STAG1: variants seen among roughly 807,000 people sequenced by gnomAD.
The protein encoded by STAG1 is cohesin subunit SA-1.
Under a neutral mutation model 170.9 loss-of-function variants are expected in STAG1, and 26 were observed. The ratio of observed to expected loss-of-function variants is 0.15; its 90% CI spans 0.11 to 0.21. STAG1 has a LOEUF of 0.21. STAG1 is among the 10% of genes least tolerant of loss of function. The probability of loss-of-function intolerance (pLI) is 1.00; values close to 1 mark genes in which losing one functional copy is unlikely to be tolerated. For synonymous variants in STAG1, 514 were observed against 497.7 expected, an observed-to-expected ratio of 1.03 and a Z score of -0.44; for missense variants, 964 against 1,509.5, an observed-to-expected ratio of 0.64 and a Z score of 5.99.
chr3:136,553,806 A>G (rs1349503146), intron 5 of STAG1, among the ~76,000 whole-genome samples: 1 of 152,224 alleles, frequency 6.6e-6, no homozygotes, highest in Non-Finnish European at 1.5e-5. Flanking sequence ...GAGAAAAGAA[A>G]GACAAATTCT....
At chr3:136,527,968 G>A (rs545396651) in intron 6 of STAG1, among the ~76,000 whole-genome samples, 25 of 152,174 alleles carry the variant, frequency 1.6e-4, no homozygotes, top group South Asian at 1.5e-3. Context: ...AGGGTTATCC[G>A]GCCGTATGAT....
intron 5 of STAG1, among the ~76,000 whole-genome samples, chr3:136,561,831 T>A (rs1007450987): frequency 6.8e-5 from 10 of 147,466 alleles, no homozygotes; most frequent in Non-Finnish European, 9.0e-5. Flanking sequence ...TTTTTTTTTT[T>A]CATTTTTGTA....
At chr3:136,432,920 C>T (rs970165717) in intron 16 of STAG1, among the ~76,000 whole-genome samples, 2 of 152,008 alleles carry the variant, frequency 1.3e-5, no homozygotes, top group Admixed American at 6.6e-5. Flanking sequence ...CACAGACTTC[C>T]GCTGCTTTTA....
intron 28 of STAG1, among the ~76,000 whole-genome samples, chr3:136,351,905 A>G (rs1936445467): frequency 6.6e-6 from 1 of 152,202 alleles, no homozygotes; most frequent in Admixed American, 6.5e-5. Flanking sequence ...TTTGATCAGT[A>G]AGTGGCTTAT....
intron 1 of STAG1, among the ~76,000 whole-genome samples, chr3:136,704,057 T>C (rs535220665): frequency 6.7e-6 from 1 of 150,038 alleles, no homozygotes; most frequent in African/African-American, 2.4e-5. Flanking sequence ...AATGATTTTT[T>C]TTTTTTTTTT....
At chr3:136,667,305 T>G (rs1941817880) in intron 1 of STAG1, among the ~76,000 whole-genome samples, 1 of 152,122 alleles carries the variant, frequency 6.6e-6, no homozygotes, top group Admixed American at 6.5e-5. Flanking sequence ...TCCAGCATTC[T>G]GGGTGGCAGA....
chr3:136,436,004 C>T (rs912254390), intron 15 of STAG1, among the ~76,000 whole-genome samples: 1 of 152,066 alleles, frequency 6.6e-6, no homozygotes, highest in African/African-American at 2.4e-5. Flanking sequence ...ATCGCCCAGG[C>T]CAGAAGGCAA....
At position 136,398,821 on chromosome 3, in the gene STAG1, C is replaced by A. The variant is rs2087240013; in HGVS notation, c.2205G>T (p.Val735=). Residue 735 remains valine, a synonymous_variant, in exon 22 of 34, where the codon GTG becomes GTT. Transcript: ENST00000383202. ...EHGAMPEQIV[V]QALQCSHYSI... ...AATAATGGGAACACTGCAGTGCTTG[C>A]ACGACTATCTGTATCAAATGAAAAA... The A allele has an allele frequency of 1.3e-6, 2 of 1,571,864 alleles. No homozygotes were observed. Among genetic ancestry groups the A allele is most frequent in the African/African-American group, 2.7e-5 (2 of 73,170 alleles).
chr3:136,561,440 C>G (rs544983506), intron 5 of STAG1, among the ~76,000 whole-genome samples: 1 of 152,336 alleles, frequency 6.6e-6, no homozygotes, highest in African/African-American at 2.4e-5. Flanking sequence ...CTGGTTTACA[C>G]CATCACAGTG....
chr3:136,427,073 A>AT lies in STAG1; in HGVS notation c.1651-4030_1651-4029insA, dbSNP rs1320036555. Among the ~76,000 whole-genome samples the AT allele has an allele frequency of 5.9e-5, 9 of 151,536 alleles. No individual in the cohort carries two copies. The Middle Eastern group carries it at 0.01, about 172-fold the overall frequency. On this transcript the variant is annotated intron_variant, in intron 16 of 33. Coordinates refer to ENST00000383202, the MANE Select transcript of STAG1 (RefSeq NM_005862.3). ...AGACTCGTCTCTTAAAAAAAAAAAAAAAAAAATTAGTGGGATGTGGTGGCA... is the reference window on the plus strand; with the variant it reads ...AGACTCGTCTCTTAAAAAAAAAAAAATAAAAAATTAGTGGGATGTGGTGGCA...
chr3:136,742,163 A>T (rs1273764558), intron 1 of STAG1, among the ~76,000 whole-genome samples: 1 of 152,198 alleles, frequency 6.6e-6, no homozygotes, highest in Non-Finnish European at 1.5e-5. Flanking sequence ...AACAAAAAAC[A>T]ACAACAAATA....
At chr3:136,426,444 A>G (rs1361469137) in intron 16 of STAG1, among the ~76,000 whole-genome samples, 1 of 152,154 alleles carries the variant, frequency 6.6e-6, no homozygotes, top group Admixed American at 6.6e-5. Flanking sequence ...ACTTGCAGAC[A>G]AGCCATGTAG....
At chr3:136,528,201 C>A (rs1003089092) in intron 6 of STAG1, among the ~76,000 whole-genome samples, 3 of 152,190 alleles carry the variant, frequency 2.0e-5, no homozygotes, top group Non-Finnish European at 4.4e-5. Context: ...CAGAGGCAGA[C>A]AGGCCTCCTT....
chr3:136,429,930 G>C (rs1236030873), intron 16 of STAG1, among the ~76,000 whole-genome samples: 2 of 152,092 alleles, frequency 1.3e-5, no homozygotes, highest in Admixed American at 1.3e-4. Flanking sequence ...CAAGAATACA[G>C]TGTATAATAC....
chr3:136,685,907 T>A (rs112252559), intron 1 of STAG1, among the ~76,000 whole-genome samples: 2 of 105,520 alleles, frequency 1.9e-5, no homozygotes, highest in Non-Finnish European at 3.7e-5. Context: ...TGGTCTTTAG[T>A]ATGTCTGAAG....
intron 23 of STAG1, among the ~76,000 whole-genome samples, chr3:136,377,386 CA>C (rs57934830): frequency 1.4e-4 from 6 of 42,572 alleles, no homozygotes; most frequent in East Asian, 6.1e-4. Context: ...GACTCTGTCT[CA>C]AAAAAAAAAA....
chr3:136,670,434 A>AC (rs1559941482), intron 1 of STAG1, among the ~76,000 whole-genome samples: 1 of 152,196 alleles, frequency 6.6e-6, no homozygotes, highest in Non-Finnish European at 1.5e-5. Flanking sequence ...TAAGAAAAGA[A>AC]CCAAAAAAAC....
intron 1 of STAG1, among the ~76,000 whole-genome samples, chr3:136,716,384 A>T (rs1236073390): frequency 6.6e-6 from 1 of 151,642 alleles, no homozygotes; most frequent in Non-Finnish European, 1.5e-5. Context: ...AATTATTTGA[A>T]CCCTACAGGC....
At chr3:136,339,969 T>C (rs927918107) in intron 32 of STAG1, among the ~76,000 whole-genome samples, 4 of 152,324 alleles carry the variant, frequency 2.6e-5, no homozygotes, top group African/African-American at 9.6e-5. Flanking sequence ...AGATCTGGTA[T>C]GAGCTCTCTT....
Sources: gnomAD v4.1 joint callset for allele counts (sites outside exome capture counted in the v4.1 genomes callset) on GRCh38, gnomAD v4.1.1 for gene constraint, MANE v1.5 for transcripts, NCBI Gene and HGNC (gene_info 2026-07-23, HGNC 2026-07-21) for gene names.